The following MEGF11 variants were observed in gnomAD, a reference collection of about 807,000 sequenced individuals.
MEGF11 encodes multiple EGF like domains 11, also known as multiple epidermal growth factor-like domains protein 11.
Under a neutral mutation model 146.6 loss-of-function variants are expected in MEGF11, and 126 were observed. The observed-to-expected ratio is 0.86, with a 90% CI of 0.74 to 1.00. The LOEUF is 1.00. Among genes scored for constraint, MEGF11 ranks in the 50% least tolerant of loss-of-function variants. The pLI is 0.00. For missense variants in MEGF11, 1,509 were observed against 1,521.2 expected, an observed-to-expected ratio of 0.99 and a Z score of 0.13; for synonymous variants, 532 against 583.4, an observed-to-expected ratio of 0.91 and a Z score of 1.27.
intron 1 of MEGF11, among the ~76,000 whole-genome samples, chr15:66,148,209 G>A (rs1191017109): frequency 3.9e-5 from 6 of 152,160 alleles, no homozygotes; most frequent in East Asian, 1.9e-4. Flanking sequence ...TGGGCAGGGG[G>A]TAATGATGTG....
At chr15:66,012,915 G>A (rs1312289515) in intron 5 of MEGF11, among the ~76,000 whole-genome samples, 2 of 152,274 alleles carry the variant, frequency 1.3e-5, no homozygotes, top group Admixed American at 6.5e-5. Flanking sequence ...TGCAGTAAGG[G>A]CCAGCCAGCT....
chr15:65,914,371 T>C (rs1428668316), intron 19 of MEGF11, among the ~76,000 whole-genome samples: 1 of 151,902 alleles, frequency 6.6e-6, no homozygotes, highest in African/African-American at 2.4e-5. Context: ...ATTGGCGGAG[T>C]CAGGAAAAAT....
chr15:65,993,826 T>G (rs2082124797), intron 5 of MEGF11, among the ~76,000 whole-genome samples: 1 of 152,134 alleles, frequency 6.6e-6, no homozygotes, highest in South Asian at 2.1e-4. Context: ...TCCCCATCAT[T>G]CCCCTTCCCA....
chr15:65,983,424 A>C (rs141244574), intron 5 of MEGF11, among the ~76,000 whole-genome samples: 1 of 152,190 alleles, frequency 6.6e-6, no homozygotes, highest in Non-Finnish European at 1.5e-5. Flanking sequence ...GGGACACACA[A>C]TAACAAGATG....
intron 12 of MEGF11, 78 bp from the exon 13 acceptor site, chr15:65,928,605 T>A: frequency 9.8e-7 from 1 of 1,019,028 alleles, no homozygotes; most frequent in Non-Finnish European, 1.4e-6. Flanking sequence ...ATCTTTTCTT[T>A]AATTTTTACT....
At chr15:66,143,763 TCAGGGGACTTTGG>T (rs1010156297) in intron 1 of MEGF11, among the ~76,000 whole-genome samples, 1 of 152,190 alleles carries the variant, frequency 6.6e-6, no homozygotes, top group African/African-American at 2.4e-5. Context: ...TCCCCAGGAC[TCAGGGGACTTTGG>T]CAGAGACCAT....
chr15:66,034,400 T>A (rs1487384979), intron 5 of MEGF11, among the ~76,000 whole-genome samples: 145 of 1,990 alleles, frequency 0.073, no homozygotes, highest in Non-Finnish European at 0.4. Context: ...GAATGCTGGT[T>A]TTTTTTTTTT....
intron 22 of MEGF11, 140 bp downstream of exon 22, chr15:65,909,600 T>G (rs1487589607): frequency 1.3e-6 from 1 of 767,056 alleles, no homozygotes; most frequent in Non-Finnish European, 2.1e-6. Flanking sequence ...CTTCATCTGC[T>G]TGTGAGAGCC....
chr15:65,976,324 A>G (rs1252186842), intron 7 of MEGF11, among the ~76,000 whole-genome samples: 3 of 152,168 alleles, frequency 2.0e-5, no homozygotes, highest in Admixed American at 6.5e-5. Context: ...TACAGGCATG[A>G]GCCACCACGC....
intron 1 of MEGF11, among the ~76,000 whole-genome samples, chr15:66,159,411 C>T (rs1268596533): frequency 6.6e-6 from 1 of 152,176 alleles, no homozygotes; most frequent in Non-Finnish European, 1.5e-5. Flanking sequence ...AATGAATGAC[C>T]CATTCCTAGT....
intron 9 of MEGF11, among the ~76,000 whole-genome samples, chr15:65,963,818 C>T (rs373372888): frequency 1.5e-3 from 235 of 152,298 alleles, no homozygotes; most frequent in African/African-American, 5.2e-3. Context: ...TAGTTTAACT[C>T]GTTAACACTT....
At chr15:65,960,805 G>A (rs543581322) in intron 9 of MEGF11, among the ~76,000 whole-genome samples, 65 of 152,194 alleles carry the variant, frequency 4.3e-4, no homozygotes, top group Non-Finnish European at 5.3e-4. Flanking sequence ...CACACACAAC[G>A]AGCTAGCAAA....
chr15:65,899,099 C>T (rs946198289), intron 24 of MEGF11, among the ~76,000 whole-genome samples, 165 bp from the exon 25 acceptor site: 3 of 152,154 alleles, frequency 2.0e-5, no homozygotes. Context: ...GAAGTGCTCT[C>T]CCAGGTAGGC....
intron 4 of MEGF11, 23 bp downstream of exon 4, chr15:66,119,063 G>A: frequency 6.7e-7 from 1 of 1,501,552 alleles, no homozygotes; most frequent in Middle Eastern, 1.7e-4. Flanking sequence ...ACTGAGGGCA[G>A]AACAGCAGCA....
rs181481945 is a variant in MEGF11 at position 66,245,599 on chromosome 15, A to C, written c.-9+8006T>G. Among the ~76,000 whole-genome samples the C allele has an allele frequency of 3.0e-3, 454 of 152,178 alleles. 3 individuals carry two copies. Among genetic ancestry groups the C allele is most frequent in the African/African-American group, 0.01 (423 of 41,498 alleles). On this transcript the variant is annotated intron_variant, in intron 1 of 25. Transcript: ENST00000395614. Reference sequence around the variant, plus strand: ...GTGAGCTATGATTGCACTACTGCACACCAGCCTGGGCAACAGTGTGACCCT... The same window carrying C: ...GTGAGCTATGATTGCACTACTGCACCCCAGCCTGGGCAACAGTGTGACCCT...
chr15:66,172,242 A>G (rs1334643827), intron 1 of MEGF11, among the ~76,000 whole-genome samples: 2 of 152,188 alleles, frequency 1.3e-5, no homozygotes, highest in Non-Finnish European at 2.9e-5. Context: ...GTGGAGACCC[A>G]AGACATCAGC....
At chr15:66,037,686 C>A (rs2083778573) in intron 5 of MEGF11, among the ~76,000 whole-genome samples, 1 of 152,184 alleles carries the variant, frequency 6.6e-6, no homozygotes, top group Admixed American at 6.5e-5. Flanking sequence ...CAGGTCTCTC[C>A]CACCATCCTG....
chr15:66,220,253 C>T (rs1187699643), intron 1 of MEGF11, among the ~76,000 whole-genome samples: 1 of 152,010 alleles, frequency 6.6e-6, no homozygotes, highest in Non-Finnish European at 1.5e-5. Context: ...CCCCCACCCC[C>T]CGCCATGTGG....
intron 9 of MEGF11, among the ~76,000 whole-genome samples, chr15:65,960,154 T>A (rs1352332141): frequency 1.3e-5 from 2 of 152,222 alleles, no homozygotes; most frequent in African/African-American, 4.8e-5. Context: ...GAAAACGATA[T>A]AGACATCGAC....
Sources: gnomAD v4.1 joint callset for allele counts (sites outside exome capture counted in the v4.1 genomes callset) on GRCh38, gnomAD v4.1.1 for gene constraint, MANE v1.5 for transcripts, NCBI Gene and HGNC (gene_info 2026-07-23, HGNC 2026-07-21) for gene names.